Variants in POGZ observed in about 807,000 individuals in gnomAD.
POGZ encodes pogo transposable element with ZNF domain.
A neutral mutation model predicts 134.6 loss-of-function variants in POGZ; 17 were observed. The observed-to-expected ratio is 0.13, with a 90% CI of 0.09 to 0.19. The LOEUF (loss-of-function observed/expected upper bound fraction) is 0.19, where lower values mean the gene tolerates loss of function less well. Ranked by LOEUF, POGZ falls within the 10% of genes least tolerant of loss-of-function variation. The pLI, the probability that POGZ is intolerant of heterozygous loss-of-function variation, is 1.00. For synonymous variants in POGZ, 693 were observed against 657.1 expected, an observed-to-expected ratio of 1.05 and a Z score of -0.84; for missense variants, 1,306 against 1,769.7, an observed-to-expected ratio of 0.74 and a Z score of 4.70.
chr1:151,425,224 C>T lies in POGZ; in HGVS notation c.1079-163G>A, dbSNP rs1349567755. On this transcript the variant is annotated intron_variant, in intron 7 of 18. Coordinates refer to ENST00000271715, the MANE Select transcript of POGZ (RefSeq NM_015100.4). The stretch of plus-strand genomic sequence containing the variant: ...GTTTGTTTTTGTTTTTTTTGAGACA[C>T]GGTCTCTCAGTCTGTTGCCCAGGCT... 11 of 491,990 alleles carry T rather than the reference C, an allele frequency of 2.2e-5. No homozygotes were observed. The Admixed American group carries it at 2.9e-4, about 13-fold the overall frequency. 30.5% of individuals were successfully genotyped at this position (491,990 alleles called of 1,614,324 possible).
intron 3 of POGZ, among the ~76,000 whole-genome samples, chr1:151,434,606 C>CA (rs1392135224): frequency 3.3e-5 from 5 of 152,188 alleles, no homozygotes; most frequent in African/African-American, 1.2e-4. Context: ...TTTTTTGAGA[C>CA]AGAGTCTTGC....
chr1:151,435,026 AGT>A (rs1488670820), intron 3 of POGZ, among the ~76,000 whole-genome samples: 1 of 151,634 alleles, frequency 6.6e-6, no homozygotes, highest in Non-Finnish European at 1.5e-5. Context: ...CAGCCTCCCA[AGT>A]AGCTAGGAAT....
At chr1:151,449,740 CA>C (rs1433635428) in intron 1 of POGZ, among the ~76,000 whole-genome samples, 1 of 151,828 alleles carries the variant, frequency 6.6e-6, no homozygotes, top group African/African-American at 2.4e-5. Context: ...ATTAAAAATA[CA>C]AAAAATTAGC....
At position 151,424,941 on chromosome 1, in the gene POGZ, G is replaced by A; in HGVS notation, c.1185+14C>T. 3 of 1,365,848 alleles carry A rather than the reference G, an allele frequency of 2.2e-6. No individual in the cohort carries two copies. The highest frequency in any genetic ancestry group is 1.4e-5 in the African/African-American group (1 of 70,430). 84.6% of individuals were successfully genotyped at this position (1,365,848 alleles called of 1,614,324 possible). ...AGAAGCCACTTAAGCTGGATCACAG[G>A]TGATATCACTTACACACATGTGACC... is the stretch of plus-strand genomic sequence containing the variant. On this transcript the variant is annotated intron_variant, in intron 8 of 18. Transcript: ENST00000271715.
At position 151,423,894 on chromosome 1, in the gene POGZ, G is replaced by A. The variant is rs553958866; in HGVS notation, c.1523+55C>T. 9.4e-4 allele frequency: 1,278 copies of A among 1,354,372 alleles called. 3 individuals are homozygous for A. The highest frequency in any genetic ancestry group is 1.2e-3 in the Non-Finnish European group (1,159 of 977,412). The allele number at this position is 1,354,372 out of a possible 1,614,324, so 83.9% of individuals were successfully genotyped here. ...AAAGAGAAAGACTTAAAATATATAA[G>A]AAAATGTAAGTCTTCTCTTGTTCAA... is the stretch of plus-strand genomic sequence containing the variant. On this transcript the variant is annotated intron_variant, in intron 9 of 18. Transcript: ENST00000271715.
chr1:151,407,374 C>G, intron 15 of POGZ, 83 bp from the exon 16 acceptor site: 1 of 882,992 alleles, frequency 1.1e-6, no homozygotes, highest in Non-Finnish European at 1.8e-6. Context: ...ATGCCCCCAA[C>G]AAAAGAGACA....
chr1:151,430,115 T>C (rs139261408), intron 4 of POGZ, among the ~76,000 whole-genome samples: 9 of 152,262 alleles, frequency 5.9e-5, no homozygotes, highest in African/African-American at 2.2e-4. Context: ...CAAAGTCTAC[T>C]TCAAAGGCCA....
intron 3 of POGZ, among the ~76,000 whole-genome samples, chr1:151,436,317 C>T (rs1306364852): frequency 1.3e-5 from 2 of 152,072 alleles, no homozygotes; most frequent in African/African-American, 4.8e-5. Flanking sequence ...GCAATTATTC[C>T]CCATTCTTTT....
intron 3 of POGZ, chr1:151,439,055 T>A (rs1660095272): frequency 6.6e-6 from 1 of 152,002 alleles, no homozygotes; most frequent in Non-Finnish European, 1.5e-5. Flanking sequence ...GTCACTAAAG[T>A]TGGTATACAA....
At chr1:151,453,084 A>C (rs1234905401) in intron 1 of POGZ, among the ~76,000 whole-genome samples, 2 of 151,724 alleles carry the variant, frequency 1.3e-5, no homozygotes, top group Non-Finnish European at 2.9e-5. Flanking sequence ...CACAACGCCC[A>C]GCTAATTTTT....
At chr1:151,448,187 C>T (rs1326552669) in intron 1 of POGZ, among the ~76,000 whole-genome samples, 1 of 152,136 alleles carries the variant, frequency 6.6e-6, no homozygotes. Flanking sequence ...AAAATTTTCT[C>T]CTGAAATTTT....
At position 151,430,123 on chromosome 1, in the gene POGZ, C is replaced by T. The variant is rs80146644; in HGVS notation, c.460-412G>A. 5.5e-3 allele frequency among the ~76,000 whole-genome samples: 833 copies of T among 152,202 alleles called. 11 individuals carry two copies. Among genetic ancestry groups the T allele is most frequent in the African/African-American group, 0.019 (797 of 41,518 alleles). On this transcript the variant is annotated intron_variant, in intron 4 of 18. Coordinates refer to ENST00000271715, the MANE Select transcript of POGZ (RefSeq NM_015100.4). ...TTGTTCCCAAAGTCTACTTCAAAGG[C>T]CATAAACCTTTGGCAAATTCATAAG... is the stretch of plus-strand genomic sequence containing the variant.
chr1:151,417,108 G>T (rs540924737), intron 10 of POGZ, among the ~76,000 whole-genome samples: 1 of 151,234 alleles, frequency 6.6e-6, no homozygotes, highest in African/African-American at 2.4e-5. Context: ...TCTGTCGCCA[G>T]GGTGGAGTGC....
At chr1:151,452,419 C>T (rs1043314422) in intron 1 of POGZ, among the ~76,000 whole-genome samples, 7 of 151,930 alleles carry the variant, frequency 4.6e-5, no homozygotes, top group South Asian at 2.1e-4. Context: ...GGCACAATCA[C>T]GGCTTATTGC....
At chr1:151,429,430 C>T in intron 5 of POGZ, 173 bp downstream of exon 5, 2 of 396,270 alleles carry the variant, frequency 5.0e-6, no homozygotes, top group Non-Finnish European at 9.1e-6. Flanking sequence ...AAAACCACCA[C>T]CCTGGCCAAA....
In POGZ at chr1:151,408,238, C is replaced by A; in HGVS notation, c.2237G>T (p.Ser746Ile). The A allele has an allele frequency of 6.2e-7, 1 of 1,604,348 alleles. No homozygotes were observed. ...SIQKRAVRKM[S>I]VMGRQTCLEC... ...CAGGCATGTCTGCCGGCCCATGACA[C>A]TCCTGTGGGGGAAAAAAAAAAAGAA... The change falls in exon 15 of 19, where the codon AGT becomes ATT. Residue 746 changes from serine to isoleucine, a missense_variant and splice_region_variant. Physicochemically the swap from Ser to Ile is moderately radical, Grantham distance 142. Transcript: ENST00000271715.
In POGZ at chr1:151,405,936, C is replaced by T. The variant is rs760720168; in HGVS notation, c.3099G>A (p.Glu1033=). ...LSFEAEEKLA[E]WVLTQREQQL... is the part of the protein sequence containing the mutation. ...GTTGTTCGCGCTGGGTTAGCACCCA[C>T]TCAGCCAGTTTCTCTTCTGCCTCAA... The change falls in exon 19 of 19, where the codon GAG becomes GAA. Residue 1033 remains glutamate (E), a synonymous_variant. Coordinates refer to ENST00000271715, the MANE Select transcript of POGZ (RefSeq NM_015100.4). This position sits in a 1 kb window ranked among gnomAD's most constrained non-coding sequence, Gnocchi z 4.9. 6 of 1,614,094 alleles carry T rather than the reference C, an allele frequency of 3.7e-6. No individual in the cohort carries two copies. In the African/African-American group the frequency reaches 6.7e-5, roughly 18 times the overall value.
chr1:151,447,007 T>C (rs1055699957), intron 1 of POGZ, among the ~76,000 whole-genome samples: 2 of 152,118 alleles, frequency 1.3e-5, no homozygotes, highest in African/African-American at 2.4e-5. Context: ...CTGTATTATA[T>C]TGAAACAAAT....
chr1:151,444,881 C>T (rs546435232), intron 1 of POGZ, among the ~76,000 whole-genome samples: 4 of 152,066 alleles, frequency 2.6e-5, no homozygotes, highest in Admixed American at 2.0e-4. Flanking sequence ...ATTAGCCAGG[C>T]GTGCAGCACA....
Sources: allele counts gnomAD v4.1 joint callset (sites outside exome capture counted in the v4.1 genomes callset), GRCh38; gene constraint gnomAD v4.1.1; non-coding constraint Gnocchi (gnomAD v3.1); transcripts MANE v1.5; gene names NCBI Gene and HGNC (gene_info 2026-07-23, HGNC 2026-07-21).